Variants in ZNF433 observed in about 807,000 individuals in gnomAD.
ZNF433 encodes zinc finger protein 433.
In ZNF433, 12 loss-of-function variants were observed where a neutral mutation model predicts 10.6. The observed-to-expected ratio is 1.13, with a 90% CI of 0.72 to 1.83. The LOEUF is 1.83. Among genes scored for constraint, ZNF433 ranks in the 40% most tolerant of loss-of-function variants. The pLI is 0.00. For synonymous variants in ZNF433, 272 were observed against 271.3 expected (o/e 1.00, Z -0.02); for missense variants, 737 against 798.0 (o/e 0.92, Z 0.92).
chr19:12,019,079 T>G (rs1974361652), intron 1 of ZNF433, among the ~76,000 whole-genome samples: 1 of 145,204 alleles, frequency 6.9e-6, no homozygotes, highest in South Asian at 2.2e-4. Context: ...AAAAAAAAAT[T>G]TCCAGGCACC....
At chr19:12,026,049 C>G (rs536505785) in intron 1 of ZNF433, 15 of 152,510 alleles carry the variant, frequency 9.8e-5, no homozygotes, top group African/African-American at 3.1e-4. Context: ...AGGCCAGATG[C>G]TATCAGCAGC....
chr19:12,014,898 ATCTAAAGACT>A lies in ZNF433; in HGVS notation c.1950_1959del (p.Lys650AsnfsTer15). On this transcript the variant is annotated frameshift_variant, in exon 4 of 4. Transcript: ENST00000550507. LOFTEE classifies it low-confidence loss of function (END_TRUNC). The stretch of plus-strand genomic sequence containing the variant: ...CCATGCACTTGAAGTTGTGAAGAAC[ATCTAAAGACT>A]TTACCACATTGGTTACATTTATAGG... The A allele has an allele frequency of 1.2e-6, 2 of 1,612,646 alleles. No homozygotes were observed. Among genetic ancestry groups the A allele is most frequent in the Non-Finnish European group, 1.7e-6 (2 of 1,179,148 alleles).
intron 1 of ZNF433, among the ~76,000 whole-genome samples, chr19:12,032,408 A>C (rs1975077715): frequency 6.6e-6 from 1 of 152,196 alleles, no homozygotes; most frequent in African/African-American, 2.4e-5. Flanking sequence ...ACAAAAGGAT[A>C]CACCTGAGAA....
At chr19:12,020,861 G>A (rs554769542) in intron 1 of ZNF433, among the ~76,000 whole-genome samples, 1 of 150,230 alleles carries the variant, frequency 6.7e-6, no homozygotes, top group East Asian at 2.0e-4. Flanking sequence ...CCGACATTGC[G>A]CCATTGCACT....
At position 12,016,223 on chromosome 19, in the gene ZNF433, A is replaced by C. The variant is rs749195859; in HGVS notation, c.635T>G (p.Ile212Ser). Residue 212 changes from isoleucine to serine, a missense_variant, in exon 4 of 4, where the codon ATC (isoleucine) becomes AGC (serine). By Grantham distance (142) the Ile-to-Ser change is moderately radical. Transcript: ENST00000550507. Reference sequence around the variant, plus strand: ...CTCTCCAGTGTGAGTTCGTTTGTGGATAAGATACAAACTGAGAAACATCAA... The same window carrying C: ...CTCTCCAGTGTGAGTTCGTTTGTGGCTAAGATACAAACTGAGAAACATCAA... ...KALMFLSLYL[I>S]HKRTHTGEKP... 5 of 1,614,172 alleles carry C rather than the reference A, an allele frequency of 3.1e-6. No individual in the cohort carries two copies. Among genetic ancestry groups the C allele is most frequent in the Middle Eastern group, 1.6e-4 (1 of 6,062 alleles).
intron 3 of ZNF433, among the ~76,000 whole-genome samples, chr19:12,017,225 TG>T (rs1974253369): frequency 6.6e-6 from 1 of 152,072 alleles, no homozygotes; most frequent in Non-Finnish European, 1.5e-5. Flanking sequence ...TTTTTTGAGA[TG>T]GAGACTCACT....
intron 1 of ZNF433, among the ~76,000 whole-genome samples, chr19:12,022,370 G>T (rs1438843484): frequency 1.3e-5 from 2 of 152,164 alleles, no homozygotes; most frequent in Non-Finnish European, 2.9e-5. Flanking sequence ...AAATATGTGG[G>T]TAAATTTCTG....
At chr19:12,020,083 C>A (rs1030865493) in intron 1 of ZNF433, among the ~76,000 whole-genome samples, 2 of 152,026 alleles carry the variant, frequency 1.3e-5, no homozygotes, top group African/African-American at 4.8e-5. Flanking sequence ...ACCAGCCTGG[C>A]CAAAATGGTG....
chr19:12,016,087 C>A lies in ZNF433; in HGVS notation c.771G>T (p.Gly257=). ...GGCATGTGGAACTATGGAATGCTTT[C>A]CCACATTCATTACATTTATAAGGCT... ...GEKPYKCNEC[G]KAFHSSTCLH... The change falls in exon 4 of 4, where the codon GGG becomes GGT. Residue 257 remains glycine (G), a synonymous_variant. Coordinates refer to ENST00000550507, the MANE Select transcript of ZNF433 (RefSeq NM_001308348.2). 1 of 1,613,752 alleles carries A rather than the reference C, an allele frequency of 6.2e-7. No individual in the cohort carries two copies. Among genetic ancestry groups the A allele is most frequent in the East Asian group, 2.2e-5 (1 of 44,838 alleles).
rs1043357231 is a variant in ZNF433, at chr19:12,033,101, T to TC, written c.3+2435dup. On this transcript the variant is annotated intron_variant, in intron 1 of 3. Coordinates refer to ENST00000550507, the MANE Select transcript of ZNF433 (RefSeq NM_001308348.2). ...CCAAGTGCATTTCCTTTTTTTTTTT[T>TC]CCCCTCTCTTGAGACAGAGTCTCAC... Among the ~76,000 whole-genome samples, 5 of 151,794 alleles carry TC rather than the reference T, an allele frequency of 3.3e-5. 1 individual carries two copies. The highest frequency in any genetic ancestry group is 9.7e-5 in the African/African-American group (4 of 41,380).
intron 1 of ZNF433, among the ~76,000 whole-genome samples, chr19:12,032,392 C>A (rs1975077066): frequency 6.6e-6 from 1 of 152,052 alleles, no homozygotes; most frequent in South Asian, 2.1e-4. Context: ...TTGGAAATCA[C>A]CCACAACAAA....
At chr19:12,024,764 T>C (rs1974658383) in intron 1 of ZNF433, 1 of 152,228 alleles carries the variant, frequency 6.6e-6, no homozygotes, top group South Asian at 2.1e-4. Context: ...AGAATGGCTT[T>C]TTCTTCCACA....
At chr19:12,020,579 G>A (rs963315273) in intron 1 of ZNF433, among the ~76,000 whole-genome samples, 2 of 152,130 alleles carry the variant, frequency 1.3e-5, no homozygotes, top group Non-Finnish European at 2.9e-5. Flanking sequence ...GAGTGTTTTG[G>A]AATGTATCGA....
intron 3 of ZNF433, among the ~76,000 whole-genome samples, chr19:12,017,310 C>T (rs546578553): frequency 1.3e-4 from 19 of 151,988 alleles, no homozygotes; most frequent in African/African-American, 3.9e-4. Flanking sequence ...TCAAGCGATT[C>T]TCCTGCCTCA....
rs144148108 is a variant in ZNF433, at chr19:12,030,905, G to A, written c.3+4632C>T. On this transcript the variant is annotated intron_variant, in intron 1 of 3. Coordinates refer to ENST00000550507, the MANE Select transcript of ZNF433 (RefSeq NM_001308348.2). Reference sequence around the variant, plus strand: ...AGCCTGAGCAACATGGTGAAACCCCGTCTCTATGAAAAATACAAAAATTAG... The same window carrying A: ...AGCCTGAGCAACATGGTGAAACCCCATCTCTATGAAAAATACAAAAATTAG... 9.9e-4 allele frequency among the ~76,000 whole-genome samples: 150 copies of A among 152,208 alleles called. 1 individual carries two copies. Among genetic ancestry groups the A allele is most frequent in the Middle Eastern group, 3.4e-3 (1 of 292 alleles).
Position 12,015,827 on chromosome 19 carries a change from A to G in ZNF433, c.1031T>C (p.Leu344Ser). 1.2e-6 allele frequency: 2 copies of G among 1,614,160 alleles called. No homozygotes were observed. The highest frequency in any genetic ancestry group is 8.5e-7 in the Non-Finnish European group (1 of 1,180,032). The change falls in exon 4 of 4, where the codon TTA (leucine) becomes TCA (serine). Residue 344 changes from leucine to serine, a missense_variant. Coordinates refer to ENST00000550507, the MANE Select transcript of ZNF433 (RefSeq NM_001308348.2). The part of the protein sequence containing the change: ...PYECKHCGKV[L>S]SYLTSFQNHL... ...GTTTTGAAAGCTGGTAAGATAAGATAATACTTTCCCACAATGTTTACATTC... is the reference window on the plus strand; with the variant it reads ...GTTTTGAAAGCTGGTAAGATAAGATGATACTTTCCCACAATGTTTACATTC...
rs145738666 is a variant in ZNF433, at chr19:12,016,787, A to C, written c.192-121T>G. 739 of 1,343,568 alleles carry C rather than the reference A, an allele frequency of 5.5e-4. 2 individuals are homozygous for C. The East Asian group carries it at 0.017, about 32-fold the overall frequency. 83.2% of individuals were successfully genotyped at this position (1,343,568 alleles called of 1,614,324 possible). A position where few individuals can be genotyped will look rare whatever the true frequency, so the allele number is the denominator to read the frequency against. On this transcript the variant is annotated intron_variant, in intron 3 of 3. Coordinates refer to ENST00000550507, the MANE Select transcript of ZNF433 (RefSeq NM_001308348.2). ...GAGATGGAGTCTCACTCTCTTGCCC[A>C]GGCTGGAGTGTAGTGGTGCGATCTT...
intron 1 of ZNF433, among the ~76,000 whole-genome samples, chr19:12,022,445 C>G (rs914809889): frequency 3.9e-5 from 6 of 152,192 alleles, no homozygotes; most frequent in Admixed American, 1.3e-4. Context: ...CCATATTTCT[C>G]TGTGTGTGTC....
intron 1 of ZNF433, chr19:12,024,943 C>T (rs1249920010): frequency 6.6e-6 from 1 of 152,180 alleles, no homozygotes; most frequent in East Asian, 1.9e-4. Flanking sequence ...ACTTGGCAAA[C>T]CCATTAGCTG....
Sources: gnomAD v4.1 joint callset for allele counts (sites outside exome capture counted in the v4.1 genomes callset) on GRCh38, gnomAD v4.1.1 for gene constraint, MANE v1.5 for transcripts, NCBI Gene and HGNC (gene_info 2026-07-23, HGNC 2026-07-21) for gene names.